CFDP1: variants seen among roughly 807,000 people sequenced by gnomAD.
CFDP1 encodes the protein chromatin remodeling protein CFDP1.
Under a neutral mutation model 40.1 loss-of-function variants are expected in CFDP1, and 31 were observed. The observed-to-expected ratio is 0.77, with a 90% CI of 0.58 to 1.04. The LOEUF (loss-of-function observed/expected upper bound fraction) is 1.04. Among genes scored for constraint, CFDP1 ranks in the 50% least tolerant of loss-of-function variants. CFDP1 has a pLI of 0.00. For missense variants in CFDP1, 423 were observed against 343.4 expected, an observed-to-expected ratio of 1.23 and a Z score of -1.83; for synonymous variants, 167 against 120.0, an observed-to-expected ratio of 1.39 and a Z score of -2.56.
intron 5 of CFDP1, among the ~76,000 whole-genome samples, chr16:75,317,562 T>C (rs931511560): frequency 6.6e-6 from 1 of 152,244 alleles, no homozygotes. Flanking sequence ...TTAATTTGTA[T>C]GATTAGACAC....
At chr16:75,320,779 G>A (rs1334723440) in intron 5 of CFDP1, among the ~76,000 whole-genome samples, 1 of 152,200 alleles carries the variant, frequency 6.6e-6, no homozygotes, top group African/African-American at 2.4e-5. Flanking sequence ...ATGGTCTCAT[G>A]TGAATTAAAC....
intron 4 of CFDP1, among the ~76,000 whole-genome samples, chr16:75,411,340 G>T (rs62062567): frequency 0.48 from 72,774 of 151,922 alleles, 18,832 homozygotes; most frequent in Admixed American, 0.61. Context: ...GGACCCGGGA[G>T]GCAGAGGTTG....
chr16:75,417,467 A>G (rs954234831), intron 1 of CFDP1, among the ~76,000 whole-genome samples: 3 of 152,226 alleles, frequency 2.0e-5, no homozygotes, highest in Non-Finnish European at 4.4e-5. Context: ...AAAGGAGAGG[A>G]AAAGCAAAAG....
At chr16:75,431,891 A>AG (rs34116220) in intron 1 of CFDP1, among the ~76,000 whole-genome samples, 76,963 of 149,370 alleles carry the variant, frequency 0.52, 20,892 homozygotes, top group Admixed American at 0.63. Flanking sequence ...AATAGGGATG[A>AG]GGGTGATGGG....
At chr16:75,337,098 T>C (rs962216273) in intron 5 of CFDP1, among the ~76,000 whole-genome samples, 4 of 152,248 alleles carry the variant, frequency 2.6e-5, no homozygotes, top group Non-Finnish European at 5.9e-5. Flanking sequence ...AATGTATCAT[T>C]GTTCTAAGCC....
intron 5 of CFDP1, among the ~76,000 whole-genome samples, chr16:75,386,850 TCC>T (rs1176416509): frequency 6.6e-6 from 1 of 152,254 alleles, no homozygotes; most frequent in Non-Finnish European, 1.5e-5. Flanking sequence ...CACTAGACTC[TCC>T]ATTCATACTT....
rs542070591 is a variant in CFDP1 at position 75,337,753 on chromosome 16, G to A, written c.651-32571C>T. ...GAACTCACTATCACGAAAACAGCAA[G>A]GGGGAAGTCCATGCCCATGATCCAA... On this transcript the variant is annotated intron_variant, in intron 5 of 6. Coordinates refer to ENST00000283882, the MANE Select transcript of CFDP1 (RefSeq NM_006324.3). Among the ~76,000 whole-genome samples the A allele has an allele frequency of 2.6e-5, 4 of 152,228 alleles. No homozygotes were observed. In the East Asian group the frequency reaches 5.8e-4, roughly 22 times the overall value.
Position 75,305,165 on chromosome 16 carries a change from C to T in CFDP1, c.668G>A (p.Gly223Asp). 1 of 1,614,020 alleles carries T rather than the reference C, an allele frequency of 6.2e-7. No homozygotes were observed. ...AATTTTCCCCAAAAGGCTGCTCATG[C>T]CACTTGATCTTTTTAACCTAAGGAA... ...PAGSGLKRSS[G>D]MSSLLGKIGA... is the part of the protein sequence containing the mutation. The change falls in exon 6 of 7, where the codon GGC becomes GAC. Residue 223 changes from glycine to aspartate, a missense_variant. Gly to Asp is a moderately conservative substitution (Grantham distance 94). Coordinates refer to ENST00000283882, the MANE Select transcript of CFDP1 (RefSeq NM_006324.3).
At chr16:75,327,314 T>C (rs1265520301) in intron 5 of CFDP1, among the ~76,000 whole-genome samples, 2 of 151,784 alleles carry the variant, frequency 1.3e-5, no homozygotes, top group Admixed American at 1.3e-4. Flanking sequence ...CTGGAAGACA[T>C]GGAATCCAAG....
chr16:75,418,365 G>T (rs2079234127), intron 1 of CFDP1, among the ~76,000 whole-genome samples: 1 of 144,538 alleles, frequency 6.9e-6, no homozygotes, highest in Non-Finnish European at 1.5e-5. Context: ...GAGTGCAGTG[G>T]CACGATCTCG....
chr16:75,422,259 G>A (rs2079288864), intron 1 of CFDP1, among the ~76,000 whole-genome samples: 1 of 151,898 alleles, frequency 6.6e-6, no homozygotes, highest in African/African-American at 2.4e-5. Context: ...ACCACACCCG[G>A]CTAATTTTTT....
At chr16:75,367,807 A>AC (rs1229674446) in intron 5 of CFDP1, among the ~76,000 whole-genome samples, 2 of 151,496 alleles carry the variant, frequency 1.3e-5, no homozygotes, top group Admixed American at 1.3e-4. Flanking sequence ...AAAAAAAAAA[A>AC]AAAACTTAAC....
chr16:75,408,075 G>A (rs1411431105), intron 4 of CFDP1, among the ~76,000 whole-genome samples: 3 of 151,420 alleles, frequency 2.0e-5, no homozygotes, highest in Admixed American at 6.6e-5. Flanking sequence ...CTGCACCACA[G>A]CCTGGGTGAC....
At chr16:75,417,671 G>C (rs1000322365) in intron 1 of CFDP1, among the ~76,000 whole-genome samples, 3 of 152,096 alleles carry the variant, frequency 2.0e-5, no homozygotes, top group African/African-American at 7.2e-5. Flanking sequence ...ACAGAACTTT[G>C]AAAATCTCTT....
chr16:75,381,583 A>AGAT (rs2078852575), intron 5 of CFDP1, among the ~76,000 whole-genome samples: 1 of 152,196 alleles, frequency 6.6e-6, no homozygotes. Context: ...TTGGCCCAGC[A>AGAT]GATGAGAACA....
chr16:75,363,942 AACACACACACAC>A (rs10635711), intron 5 of CFDP1, among the ~76,000 whole-genome samples: 2 of 142,826 alleles, frequency 1.4e-5, no homozygotes, highest in African/African-American at 5.2e-5. Flanking sequence ...AAAGAGGTGA[AACACACACACAC>A]ACACACACAC....
rs562959159 is a variant in CFDP1, at chr16:75,398,384, A to G, written c.531-3175T>C. ...CCCCACATGCTCTTCCAGAACCCTGATACTACCCCAGTTAGAGGGGGAGTC... is the reference window on the plus strand; with the variant it reads ...CCCCACATGCTCTTCCAGAACCCTGGTACTACCCCAGTTAGAGGGGGAGTC... On this transcript the variant is annotated intron_variant, in intron 4 of 6. Coordinates refer to ENST00000283882, the MANE Select transcript of CFDP1 (RefSeq NM_006324.3). Among the ~76,000 whole-genome samples the G allele has an allele frequency of 2.0e-5, 3 of 152,330 alleles. No individual in the cohort carries two copies. The South Asian group carries it at 6.2e-4, about 32-fold the overall frequency.
chr16:75,396,838 T>A (rs1419214637), intron 4 of CFDP1, among the ~76,000 whole-genome samples: 1 of 152,204 alleles, frequency 6.6e-6, no homozygotes, highest in East Asian at 1.9e-4. Context: ...GAATTTTGTT[T>A]AAATGCAGTC....
At chr16:75,357,603 T>G (rs1184657854) in intron 5 of CFDP1, among the ~76,000 whole-genome samples, 2 of 152,194 alleles carry the variant, frequency 1.3e-5, no homozygotes, top group Non-Finnish European at 2.9e-5. Context: ...TCTGCTAACT[T>G]CAAACTTTTC....
Sources: allele counts gnomAD v4.1 joint callset (sites outside exome capture counted in the v4.1 genomes callset), GRCh38; gene constraint gnomAD v4.1.1; transcripts MANE v1.5; gene names NCBI Gene and HGNC (gene_info 2026-07-23, HGNC 2026-07-21).